The following ARHGEF6 variants were observed in gnomAD, a reference collection of about 807,000 sequenced individuals.
The protein encoded by ARHGEF6 is rho guanine nucleotide exchange factor 6.
Under a neutral mutation model 70.3 loss-of-function variants are expected in ARHGEF6, and 9 were observed. The observed-to-expected ratio is 0.13, with a 90% CI of 0.08 to 0.22. ARHGEF6 has a LOEUF of 0.22. Among genes scored for constraint, ARHGEF6 ranks in the 10% least tolerant of loss-of-function variants. The pLI is 1.00. For missense variants in ARHGEF6, 470 were observed against 563.0 expected, an observed-to-expected ratio of 0.83 and a Z score of 1.67; for synonymous variants, 201 against 207.8, an observed-to-expected ratio of 0.97 and a Z score of 0.28.
intron 17 of ARHGEF6, 86 bp from the exon 18 acceptor site, chrX:136,676,803 C>T (rs777467519): frequency 1.5e-6 from 1 of 651,312 alleles, no homozygotes; most frequent in Admixed American, 2.5e-5. Context: ...TAGAATTCCT[C>T]TCTCTTATTT....
In ARHGEF6 at chrX:136,682,832, G is replaced by T. The variant is rs147323188; in HGVS notation, c.1405C>A (p.Arg469=). Residue 469 remains arginine, a synonymous_variant, in exon 13 of 22, where the codon CGG becomes AGG. Transcript: ENST00000250617. ...QYGACEEKEE[R]YLMLFSNVLI... ...ACATTTGAAAATAACATAAGGTACC[G>T]CTCCTCTTTTTCCTGAGAGGGAATG... 6.7e-6 allele frequency: 8 copies of T among 1,202,104 alleles called. No individual in the cohort carries two copies.
At chrX:136,729,360 C>T (rs966047973) in intron 6 of ARHGEF6, among the ~76,000 whole-genome samples, 17 of 101,765 alleles carry the variant, frequency 1.7e-4, no homozygotes, top group Non-Finnish European at 2.6e-4. Context: ...CCCAGCTACT[C>T]GGGAAGATGA....
intron 20 of ARHGEF6, among the ~76,000 whole-genome samples, chrX:136,670,643 T>C (rs1386666231): frequency 9.0e-6 from 1 of 111,040 alleles, no homozygotes; most frequent in Non-Finnish European, 1.9e-5. Flanking sequence ...TCAATTCCCG[T>C]CATAAGGTTT....
intron 5 of ARHGEF6, among the ~76,000 whole-genome samples, chrX:136,738,199 G>GTA (rs2148654867): frequency 9.0e-6 from 1 of 111,149 alleles, no homozygotes; most frequent in African/African-American, 3.3e-5. Context: ...TATACTGTCA[G>GTA]TTGACTCACC....
intron 7 of ARHGEF6, among the ~76,000 whole-genome samples, chrX:136,710,471 T>C (rs1261757403): frequency 9.3e-6 from 1 of 107,841 alleles, no homozygotes; most frequent in African/African-American, 3.4e-5. Context: ...CCAGTTCCTC[T>C]GCTGTAATGC....
intron 5 of ARHGEF6, among the ~76,000 whole-genome samples, chrX:136,733,819 T>C (rs891533856): frequency 2.7e-5 from 3 of 112,079 alleles, no homozygotes; most frequent in Non-Finnish European, 5.6e-5. Flanking sequence ...CCCAGGTATG[T>C]CCTGACAAGA....
intron 6 of ARHGEF6, among the ~76,000 whole-genome samples, chrX:136,724,880 T>C (rs947321789): frequency 1.7e-4 from 19 of 111,994 alleles, no homozygotes; most frequent in African/African-American, 6.2e-4. Flanking sequence ...CAGCAAACAG[T>C]CATTGCTTGA....
intron 5 of ARHGEF6, among the ~76,000 whole-genome samples, chrX:136,738,950 G>C (rs998272228): frequency 8.9e-6 from 1 of 111,963 alleles, no homozygotes; most frequent in African/African-American, 3.2e-5. Flanking sequence ...CTTAGCAGTA[G>C]CCTCTGCTAG....
At chrX:136,706,680 CTTG>C (rs1305864041) in intron 9 of ARHGEF6, among the ~76,000 whole-genome samples, 4 of 112,122 alleles carry the variant, frequency 3.6e-5, no homozygotes, top group Non-Finnish European at 7.5e-5. Context: ...CCTCCTCCTC[CTTG>C]TTCATTCCTG....
intron 6 of ARHGEF6, among the ~76,000 whole-genome samples, chrX:136,715,069 C>T (rs1332392761): frequency 9.0e-6 from 1 of 111,629 alleles, no homozygotes; most frequent in Non-Finnish European, 1.9e-5. Flanking sequence ...CTTAGAAGAA[C>T]ACAGGATGGC....
At position 136,768,803 on chromosome X, in the gene ARHGEF6, G is replaced by A. The variant is rs954672529; in HGVS notation, c.249+10611C>T. ...CTGCTTCCCTGCAGAGCAGCCCCTG[G>A]GAAATGGCAAATCGTCCATCCCACA... On this transcript the variant is annotated intron_variant, in intron 2 of 21. Coordinates refer to ENST00000250617, the MANE Select transcript of ARHGEF6 (RefSeq NM_004840.3). Among the ~76,000 whole-genome samples, 5 of 111,569 alleles carry A rather than the reference G, an allele frequency of 4.5e-5. No individual in the cohort carries two copies. In the East Asian group the frequency reaches 1.4e-3, roughly 31 times the overall value.
intron 5 of ARHGEF6, among the ~76,000 whole-genome samples, chrX:136,738,301 A>C (rs1415589231): frequency 9.0e-6 from 1 of 111,319 alleles, no homozygotes; most frequent in East Asian, 2.8e-4. Flanking sequence ...ACCTCTACTC[A>C]AGTACAAAAC....
chrX:136,724,438 CCTTT>C (rs1332740248), intron 6 of ARHGEF6, among the ~76,000 whole-genome samples: 3 of 111,215 alleles, frequency 2.7e-5, no homozygotes, highest in South Asian at 3.8e-4. Context: ...CCTCACCCTT[CCTTT>C]CTAACATTTT....
intron 5 of ARHGEF6, among the ~76,000 whole-genome samples, chrX:136,732,557 T>C (rs1158369777): frequency 8.9e-6 from 1 of 112,662 alleles, no homozygotes; most frequent in Non-Finnish European, 1.9e-5. Flanking sequence ...ACTTACGATT[T>C]TTCAACTTAA....
At chrX:136,740,498 C>T (rs1274064758) in intron 5 of ARHGEF6, among the ~76,000 whole-genome samples, 1 of 111,806 alleles carries the variant, frequency 8.9e-6, no homozygotes, top group Non-Finnish European at 1.9e-5. Context: ...GCAACTCAGA[C>T]CTGTCCTTGA....
Position 136,698,178 on chromosome X carries a change from T to C in ARHGEF6, c.1047-7430A>G, listed in dbSNP as rs1019899231. On this transcript the variant is annotated intron_variant, in intron 9 of 21. Coordinates refer to ENST00000250617, the MANE Select transcript of ARHGEF6 (RefSeq NM_004840.3). ...TGATCTGAACTGGCAGAAGAAAGAA[T>C]CTGTAAACTTAAAATACATCAATAG... Among the ~76,000 whole-genome samples the C allele has an allele frequency of 3.6e-5, 4 of 111,273 alleles. No homozygotes were observed. In the East Asian group the frequency reaches 1.1e-3, roughly 31 times the overall value.
At chrX:136,711,575 T>A (rs1263684163) in intron 7 of ARHGEF6, among the ~76,000 whole-genome samples, 4 of 112,039 alleles carry the variant, frequency 3.6e-5, no homozygotes, top group African/African-American at 1.3e-4. Context: ...TTTGTTTTGT[T>A]TTTTTGAGAT....
chrX:136,744,629 C>T (rs1299314240), intron 4 of ARHGEF6, among the ~76,000 whole-genome samples: 2 of 111,651 alleles, frequency 1.8e-5, no homozygotes, highest in Admixed American at 9.5e-5. Flanking sequence ...TAATGTCTTA[C>T]TGCAAGTGGG....
At chrX:136,692,163 A>G (rs1350374108) in intron 9 of ARHGEF6, among the ~76,000 whole-genome samples, 2 of 112,032 alleles carry the variant, frequency 1.8e-5, no homozygotes, top group Non-Finnish European at 3.8e-5. Flanking sequence ...GTCATGCAGT[A>G]TGGCACATAT....
Sources: gnomAD v4.1 joint callset for allele counts (sites outside exome capture counted in the v4.1 genomes callset) on GRCh38, gnomAD v4.1.1 for gene constraint, MANE v1.5 for transcripts, NCBI Gene and HGNC (gene_info 2026-07-23, HGNC 2026-07-21) for gene names.